Variants in FNBP1 observed in about 807,000 individuals in gnomAD.
FNBP1 encodes the protein formin-binding protein 1.
Under a neutral mutation model 90.6 loss-of-function variants are expected in FNBP1, and 26 were observed. That is an observed-to-expected ratio of 0.29 (90% CI 0.21 to 0.40). The LOEUF is 0.40. FNBP1 is among the 10% of genes least tolerant of loss of function. The pLI, the probability that FNBP1 is intolerant of heterozygous loss-of-function variation, is 1.00. For synonymous variants in FNBP1, 260 were observed against 265.2 expected (o/e 0.98, Z 0.19); for missense variants, 635 against 768.0 (o/e 0.83, Z 2.05).
At chr9:129,987,904 T>A (rs570328920) in intron 2 of FNBP1, among the ~76,000 whole-genome samples, 1 of 152,270 alleles carries the variant, frequency 6.6e-6, no homozygotes, top group African/African-American at 2.4e-5. Flanking sequence ...ATATATACGA[T>A]ATGCAATTTG....
intron 2 of FNBP1, among the ~76,000 whole-genome samples, chr9:129,980,884 T>C (rs2051121805): frequency 6.6e-6 from 1 of 151,492 alleles, no homozygotes. Context: ...ACCCCGTCTC[T>C]ACTAAAAATA....
At position 129,937,225 on chromosome 9, in the gene FNBP1, A is replaced by G. The variant is rs1225164150; in HGVS notation, c.514-7530T>C. On this transcript the variant is annotated intron_variant, in intron 6 of 16. Transcript: ENST00000446176. ...CGAATTTTACTCTAGTCTTTGACCCAAAAATTCTGCTTCTGAAAATTTATC... is the reference window on the plus strand; with the variant it reads ...CGAATTTTACTCTAGTCTTTGACCCGAAAATTCTGCTTCTGAAAATTTATC... Among the ~76,000 whole-genome samples the G allele has an allele frequency of 4.6e-5, 7 of 152,232 alleles. No homozygotes were observed. The East Asian group carries it at 1.4e-3, about 29-fold the overall frequency.
intron 11 of FNBP1, chr9:129,910,251 G>A (rs2038994252): frequency 2.2e-6 from 1 of 454,662 alleles, no homozygotes; most frequent in African/African-American, 2.0e-5. Flanking sequence ...GGGAGGCCGA[G>A]GTGGGTGGAT....
At chr9:129,950,604 T>C (rs1564411330) in intron 6 of FNBP1, among the ~76,000 whole-genome samples, 2 of 152,194 alleles carry the variant, frequency 1.3e-5, no homozygotes, top group Non-Finnish European at 2.9e-5. Flanking sequence ...TCAGAGCATG[T>C]GTGGAGTCCA....
rs746548295 is a variant in FNBP1, at chr9:129,978,419, T to G, written c.345+46A>C. 3.3e-6 allele frequency: 5 copies of G among 1,504,884 alleles called. No individual in the cohort carries two copies. In the African/African-American group the frequency reaches 5.5e-5, roughly 17 times the overall value. 93.2% of individuals were successfully genotyped at this position (1,504,884 alleles called of 1,614,324 possible). A position where few individuals can be genotyped will look rare whatever the true frequency, so the allele number is the denominator to read the frequency against. The stretch of plus-strand genomic sequence containing the variant: ...TAATCTTCTAGGGATATTCCCACTG[T>G]GTTTGGTCCATCTTTTAGGAAGAAA... On this transcript the variant is annotated intron_variant, in intron 4 of 16. Coordinates refer to ENST00000446176, the MANE Select transcript of FNBP1 (RefSeq NM_015033.3).
chr9:129,949,665 T>A (rs2045870232), intron 6 of FNBP1, among the ~76,000 whole-genome samples: 2 of 151,542 alleles, frequency 1.3e-5, no homozygotes, highest in Non-Finnish European at 2.9e-5. Flanking sequence ...GTCTGAGACC[T>A]GCCTGGGCAA....
chr9:129,910,014 A>G (rs1448561801), intron 11 of FNBP1, among the ~76,000 whole-genome samples: 1 of 152,200 alleles, frequency 6.6e-6, no homozygotes, highest in Admixed American at 6.5e-5. Context: ...GAAGAACTGC[A>G]TTTTGATATC....
intron 6 of FNBP1, among the ~76,000 whole-genome samples, chr9:129,946,817 A>G (rs1386551997): frequency 3.3e-5 from 5 of 152,240 alleles, no homozygotes; most frequent in Admixed American, 3.3e-4. Flanking sequence ...AATTAGAAAA[A>G]GGGAATTATT....
intron 12 of FNBP1, among the ~76,000 whole-genome samples, chr9:129,907,713 T>C (rs1490796077): frequency 2.0e-5 from 3 of 152,036 alleles, no homozygotes; most frequent in Non-Finnish European, 4.4e-5. Flanking sequence ...CTCTGCTTTA[T>C]GGCAAATGGG....
chr9:130,009,577 C>A (rs1020397759), intron 1 of FNBP1, among the ~76,000 whole-genome samples: 6 of 151,886 alleles, frequency 4.0e-5, no homozygotes, highest in Non-Finnish European at 8.8e-5. Context: ...CCAAGGCGGG[C>A]GGATCACAAG....
intron 1 of FNBP1, among the ~76,000 whole-genome samples, chr9:130,020,112 T>C (rs1460692055): frequency 2.0e-5 from 3 of 152,230 alleles, no homozygotes; most frequent in African/African-American, 7.2e-5. Context: ...TCAAAAGCAG[T>C]GACTCTGCCT....
intron 4 of FNBP1, among the ~76,000 whole-genome samples, chr9:129,977,972 C>T (rs1354406353): frequency 5.9e-5 from 9 of 151,832 alleles, no homozygotes; most frequent in Non-Finnish European, 8.8e-5. Flanking sequence ...TGACATTTTA[C>T]GTAGAGACCT....
intron 1 of FNBP1, among the ~76,000 whole-genome samples, chr9:130,034,395 C>T (rs2059124207): frequency 6.6e-6 from 1 of 150,888 alleles, no homozygotes; most frequent in Admixed American, 6.6e-5. Context: ...AGGCGAAAGG[C>T]TCATTTGGGC....
chr9:129,938,339 C>T (rs897988990), intron 6 of FNBP1, among the ~76,000 whole-genome samples: 1 of 152,066 alleles, frequency 6.6e-6, no homozygotes, highest in Non-Finnish European at 1.5e-5. Context: ...TTTTCAATTT[C>T]AAGACTAAGA....
Position 129,887,674 on chromosome 9 carries a change from G to A in FNBP1, c.*2865C>T, listed in dbSNP as rs1005761646. ...AAGGAACAGCCCATGACAACCTTCT[G>A]TGCCTTTTTATACTTTCCCATCCTA... is the stretch of plus-strand genomic sequence containing the variant. On this transcript the variant is annotated 3_prime_UTR_variant, in exon 17 of 17. Coordinates refer to ENST00000446176, the MANE Select transcript of FNBP1 (RefSeq NM_015033.3). 1.8e-5 allele frequency: 4 copies of A among 220,036 alleles called. No homozygotes were observed. The highest frequency in any genetic ancestry group is 4.5e-5 in the African/African-American group (2 of 44,582). The allele number at this position is 220,036 out of a possible 1,614,324, so 13.6% of individuals were successfully genotyped here. A position where few individuals can be genotyped will look rare whatever the true frequency, so the allele number is the denominator to read the frequency against.
At chr9:129,899,381 T>G (rs567581289) in intron 15 of FNBP1, among the ~76,000 whole-genome samples, 1 of 151,576 alleles carries the variant, frequency 6.6e-6, no homozygotes, top group Non-Finnish European at 1.5e-5. Flanking sequence ...CCCGGCCAGA[T>G]CTGGAAGGCT....
chr9:129,972,556 G>C, intron 4 of FNBP1, among the ~76,000 whole-genome samples: 1 of 148,892 alleles, frequency 6.7e-6, no homozygotes, highest in Non-Finnish European at 1.5e-5. Flanking sequence ...TTTTGAGATG[G>C]AGTCTCACTC....
At chr9:129,930,235 AT>A (rs796748727) in intron 6 of FNBP1, among the ~76,000 whole-genome samples, 2 of 151,140 alleles carry the variant, frequency 1.3e-5, no homozygotes, top group Non-Finnish European at 3.0e-5. Context: ...TAATTTTTGT[AT>A]TTTTTTTGTA....
intron 2 of FNBP1, among the ~76,000 whole-genome samples, chr9:129,991,585 A>G (rs1051289582): frequency 6.6e-6 from 1 of 151,704 alleles, no homozygotes. Context: ...GTGGATTTTT[A>G]AGTTGGGGAG....
Sources: allele counts gnomAD v4.1 joint callset (sites outside exome capture counted in the v4.1 genomes callset), GRCh38; gene constraint gnomAD v4.1.1; transcripts MANE v1.5; gene names NCBI Gene and HGNC (gene_info 2026-07-23, HGNC 2026-07-21).